CCNG2: variants seen among roughly 807,000 people sequenced by gnomAD.
CCNG2 encodes cyclin G2.
A neutral mutation model predicts 36.5 loss-of-function variants in CCNG2; 20 were observed. That is an observed-to-expected ratio of 0.55 (90% confidence interval 0.39 to 0.80). The LOEUF (loss-of-function observed/expected upper bound fraction) is 0.80. Ranked by LOEUF, CCNG2 falls within the 30% of genes least tolerant of loss-of-function variation. The pLI, the probability that CCNG2 is intolerant of heterozygous loss-of-function variation, is 0.00. For missense variants in CCNG2, 358 were observed against 390.8 expected (o/e 0.92, Z 0.71); for synonymous variants, 155 against 140.1 (o/e 1.11, Z -0.75).
In CCNG2 at chr4:77,166,991, T is replaced by C. The variant is rs998326959; in HGVS notation, c.*1067T>C. The C allele has an allele frequency of 6.6e-6, 1 of 152,186 alleles. No homozygotes were observed. Among genetic ancestry groups the C allele is most frequent in the African/African-American group, 2.4e-5 (1 of 41,450 alleles). 9.4% of individuals were successfully genotyped at this position (152,186 alleles called of 1,614,324 possible). A position where few individuals can be genotyped will look rare whatever the true frequency, so the allele number is the denominator to read the frequency against. ...TATAAATTGTATATGAACATGTAAA[T>C]CTTTTAAAATGTACATAAAATACTG... is the stretch of plus-strand genomic sequence containing the variant. On this transcript the variant is annotated 3_prime_UTR_variant, in exon 8 of 8. Coordinates refer to ENST00000316355, the MANE Select transcript of CCNG2 (RefSeq NM_004354.3).
chr4:77,160,681 A>AGT (rs2109917182), intron 3 of CCNG2, 40 bp from the exon 4 acceptor site: 2 of 1,595,692 alleles, frequency 1.3e-6, no homozygotes, highest in East Asian at 4.5e-5. Flanking sequence ...GCTAAGTCAA[A>AGT]GTGACAGTTG....
chr4:77,165,568 A>G (rs1731607725), intron 7 of CCNG2, among the ~76,000 whole-genome samples: 1 of 152,082 alleles, frequency 6.6e-6, no homozygotes, highest in Admixed American at 6.6e-5. Flanking sequence ...CGGCCTCCCA[A>G]AGTGCTAGGA....
At chr4:77,160,191 ATT>A (rs3834239) in intron 3 of CCNG2, among the ~76,000 whole-genome samples, 27 of 151,614 alleles carry the variant, frequency 1.8e-4, no homozygotes, top group African/African-American at 4.6e-4. Flanking sequence ...ATCCCAGTAC[ATT>A]TTTTTTTGGT....
At chr4:77,163,572 T>C (rs940723425) in intron 6 of CCNG2, among the ~76,000 whole-genome samples, 19 of 152,260 alleles carry the variant, frequency 1.2e-4, no homozygotes, top group African/African-American at 4.6e-4. Flanking sequence ...TATGATTTTA[T>C]TAGTTTTTAT....
chr4:77,165,248 A>G (rs1369442893), intron 7 of CCNG2, among the ~76,000 whole-genome samples: 1 of 152,218 alleles, frequency 6.6e-6, no homozygotes, highest in Non-Finnish European at 1.5e-5. Flanking sequence ...TGATGCAAGA[A>G]ATACATCTAA....
chr4:77,164,096 A>AT (rs1299800632), intron 6 of CCNG2, among the ~76,000 whole-genome samples, 178 bp from the exon 7 acceptor site: 1 of 152,140 alleles, frequency 6.6e-6, no homozygotes, highest in African/African-American at 2.4e-5. Flanking sequence ...GGAACTTAGA[A>AT]AACTCTTGAT....
chr4:77,166,518 A>G lies in CCNG2; in HGVS notation c.*594A>G, dbSNP rs1308809380. 1 of 152,200 alleles carries G rather than the reference A, an allele frequency of 6.6e-6. No individual in the cohort carries two copies. The highest frequency in any genetic ancestry group is 2.4e-5 in the African/African-American group (1 of 41,460). The allele number at this position is 152,200 out of a possible 1,614,324, so 9.4% of individuals were successfully genotyped here. On this transcript the variant is annotated 3_prime_UTR_variant, in exon 8 of 8. Coordinates refer to ENST00000316355, the MANE Select transcript of CCNG2 (RefSeq NM_004354.3). ...CATTTCTGTGATTTTTATATATGTA[A>G]TGTCTTAATTGAGATTTCTGTTAAG...
In CCNG2 at chr4:77,164,287, A is replaced by C; in HGVS notation, c.719A>C (p.Glu240Ala). 6.2e-7 allele frequency: 1 copy of C among 1,613,050 alleles called. No homozygotes were observed. Among genetic ancestry groups the C allele is most frequent in the East Asian group, 2.2e-5 (1 of 44,862 alleles). The change falls in exon 7 of 8, where the codon GAG (glutamate) becomes GCG (alanine). Residue 240 changes from glutamate (E) to alanine (A), a missense_variant. By Grantham distance (107) the Glu-to-Ala change is moderately radical. Transcript: ENST00000316355. ...VKKHSKINDT[E>A]FFYWRELVSK... ...TTTTTTTTTCAGATTAATGACACTG[A>C]GTTCTTCTACTGGAGAGAGTTGGTT...
In CCNG2 at chr4:77,165,932, A is replaced by G; in HGVS notation, c.*8A>G. 6.3e-7 allele frequency: 1 copy of G among 1,592,756 alleles called. No homozygotes were observed. The highest frequency in any genetic ancestry group is 1.2e-5 in the South Asian group (1 of 86,772). On this transcript the variant is annotated 3_prime_UTR_variant, in exon 8 of 8. Coordinates refer to ENST00000316355, the MANE Select transcript of CCNG2 (RefSeq NM_004354.3). Reference sequence around the variant, plus strand: ...CTGTGCTTTCCATCTTAGAAATCTGATTGTTCTGTCAGAATTTATATTTAC... The same window carrying G: ...CTGTGCTTTCCATCTTAGAAATCTGGTTGTTCTGTCAGAATTTATATTTAC...
Position 77,165,906 on chromosome 4 carries a change from A to T in CCNG2, c.1017A>T (p.Thr339=), listed in dbSNP as rs759253824. Residue 339 remains threonine (T), a synonymous_variant, in exon 8 of 8, where the codon ACA becomes ACT. Transcript: ENST00000316355. ...TTTTCAACTTCAAAGTGGCACAAAC[A>T]CTGTGCTTTCCATCTTAGAAATCTG... ...TFFFNFKVAQ[T]LCFPS 23 of 1,605,294 alleles carry T rather than the reference A, an allele frequency of 1.4e-5. No homozygotes were observed. Among genetic ancestry groups the T allele is most frequent in the Non-Finnish European group, 1.9e-5 (22 of 1,177,612 alleles).
At chr4:77,165,710 C>T (rs1422570282) in intron 7 of CCNG2, 91 bp from the exon 8 acceptor site, 3 of 1,111,790 alleles carry the variant, frequency 2.7e-6, no homozygotes, top group South Asian at 2.0e-5. Flanking sequence ...AAAATCCTCA[C>T]TAGAGATATA....
intron 2 of CCNG2, 62 bp downstream of exon 2, chr4:77,158,732 C>T (rs1577903553): frequency 7.0e-6 from 11 of 1,578,122 alleles, no homozygotes; most frequent in Non-Finnish European, 9.5e-6. Flanking sequence ...AGGTAACCCC[C>T]CCGCCCCCGT....
chr4:77,161,350 C>T, intron 4 of CCNG2, 130 bp from the exon 5 acceptor site: 1 of 663,412 alleles, frequency 1.5e-6, no homozygotes, highest in Non-Finnish European at 2.5e-6. Context: ...GATCCACCTG[C>T]TTCTGCCTTC....
In CCNG2 at chr4:77,167,853, T is replaced by C. The variant is rs1436635994; in HGVS notation, c.*1929T>C. ...GGATGACCTTTCCTCTCTTACTAAA[T>C]AATATTAGTAAATAGTGGGCAATAT... On this transcript the variant is annotated 3_prime_UTR_variant, in exon 8 of 8. Coordinates refer to ENST00000316355, the MANE Select transcript of CCNG2 (RefSeq NM_004354.3). 6.6e-6 allele frequency: 1 copy of C among 152,246 alleles called. No individual in the cohort carries two copies. The highest frequency in any genetic ancestry group is 1.5e-5 in the Non-Finnish European group (1 of 68,046). 9.4% of individuals were successfully genotyped at this position (152,246 alleles called of 1,614,324 possible). A position where few individuals can be genotyped will look rare whatever the true frequency, so the allele number is the denominator to read the frequency against.
chr4:77,165,795 C>G lies in CCNG2; in HGVS notation c.912-6C>G. On this transcript the variant is annotated splice_region_variant and splice_polypyrimidine_tract_variant and intron_variant, in intron 7 of 7. Transcript: ENST00000316355. ...ATCCTCTTTTTTTGTCTCTTTTTCT[C>G]TTTAGTGAGGACTCTTGTGAAGATA... is the stretch of plus-strand genomic sequence containing the variant. 2 of 1,545,148 alleles carry G rather than the reference C, an allele frequency of 1.3e-6. No homozygotes were observed. The highest frequency in any genetic ancestry group is 1.7e-6 in the Non-Finnish European group (2 of 1,149,532).
intron 4 of CCNG2, 35 bp downstream of exon 4, chr4:77,161,006 A>G (rs1318010241): frequency 6.6e-7 from 1 of 1,509,016 alleles, no homozygotes; most frequent in Admixed American, 1.8e-5. Context: ...TGTACTTTGA[A>G]CATTGCTATA....
chr4:77,161,688 G>T lies in CCNG2; in HGVS notation c.646G>T (p.Glu216Ter). The change falls in exon 6 of 8, where the codon GAA becomes TAA. Residue 216 changes from glutamate (E) to a stop codon, truncating the protein, a stop_gained. Transcript: ENST00000316355. LOFTEE classifies it high-confidence loss of function. The part of the protein sequence containing the change: ...LALCLLNLEV[E>*]TLKSVELLEI... Reference sequence around the variant, plus strand: ...CTTGTGCCTTCTCAATTTGGAAGTGGAAACTTTGAAATCTGTTGAATTACT... The same window carrying T: ...CTTGTGCCTTCTCAATTTGGAAGTGTAAACTTTGAAATCTGTTGAATTACT... 1.2e-6 allele frequency: 2 copies of T among 1,609,926 alleles called. No individual in the cohort carries two copies. Among genetic ancestry groups the T allele is most frequent in the Non-Finnish European group, 1.7e-6 (2 of 1,178,566 alleles).
chr4:77,158,441 C>T, intron 1 of CCNG2, 92 bp from the exon 2 acceptor site: 3 of 1,321,696 alleles, frequency 2.3e-6, no homozygotes. Flanking sequence ...CTGGGGCGAC[C>T]CTTGCTGGAG....
At chr4:77,161,247 C>T (rs1194398842) in intron 4 of CCNG2, among the ~76,000 whole-genome samples, 4 of 151,908 alleles carry the variant, frequency 2.6e-5, no homozygotes, top group African/African-American at 7.3e-5. Flanking sequence ...GGATTACAGG[C>T]GTGCGCCACC....
Sources: gnomAD v4.1 joint callset for allele counts (sites outside exome capture counted in the v4.1 genomes callset) on GRCh38, gnomAD v4.1.1 for gene constraint, MANE v1.5 for transcripts, NCBI Gene and HGNC (gene_info 2026-07-23, HGNC 2026-07-21) for gene names.